The following KYNU variants were observed in gnomAD, a reference collection of about 807,000 sequenced individuals.
KYNU encodes the protein kynureninase, also known as L-kynurenine hydrolase.
In KYNU, 54 loss-of-function variants were observed where a neutral mutation model predicts 59.2. That is an observed-to-expected ratio of 0.91 (90% CI 0.73 to 1.14). KYNU has a LOEUF of 1.14. Among genes scored for constraint, KYNU ranks in the 50% most tolerant of loss-of-function variants. The pLI is 0.00. For missense variants in KYNU, 567 were observed against 554.4 expected, an observed-to-expected ratio of 1.02 and a Z score of -0.23; for synonymous variants, 177 against 192.0, an observed-to-expected ratio of 0.92 and a Z score of 0.65.
At chr2:142,975,300 C>G (rs1684851817) in intron 8 of KYNU, among the ~76,000 whole-genome samples, 1 of 152,180 alleles carries the variant, frequency 6.6e-6, no homozygotes, top group African/African-American at 2.4e-5. Context: ...TCAGCTGGGA[C>G]AGCCAAGCTC....
Position 142,918,594 on chromosome 2 carries a change from T to C in KYNU, c.170-15T>C, listed in dbSNP as rs1682756980. ...TTTATTTTTTTTTTTTTTTTTGACATTTCTTCTGTTTCAGTTGATTTATCA... is the reference window on the plus strand; with the variant it reads ...TTTATTTTTTTTTTTTTTTTTGACACTTCTTCTGTTTCAGTTGATTTATCA... On this transcript the variant is annotated splice_polypyrimidine_tract_variant and intron_variant, in intron 2 of 13. Transcript: ENST00000264170. 6.6e-7 allele frequency: 1 copy of C among 1,520,776 alleles called. No homozygotes were observed. The highest frequency in any genetic ancestry group is 1.4e-5 in the African/African-American group (1 of 72,186). 94.2% of individuals were successfully genotyped at this position (1,520,776 alleles called of 1,614,324 possible). A position where few individuals can be genotyped will look rare whatever the true frequency, so the allele number is the denominator to read the frequency against.
intron 2 of KYNU, among the ~76,000 whole-genome samples, chr2:142,895,709 AG>A (rs968765518): frequency 1.3e-5 from 2 of 151,886 alleles, no homozygotes; most frequent in Admixed American, 1.3e-4. Context: ...TTTTTAGAAA[AG>A]GTCTTGCCCT....
intron 2 of KYNU, among the ~76,000 whole-genome samples, chr2:142,917,538 G>T (rs1682705584): frequency 6.6e-6 from 1 of 152,148 alleles, no homozygotes; most frequent in South Asian, 2.1e-4. Context: ...CTGGGCTCAA[G>T]TGATCCTCCC....
At chr2:142,898,402 A>G (rs1471220249) in intron 2 of KYNU, among the ~76,000 whole-genome samples, 1 of 152,024 alleles carries the variant, frequency 6.6e-6, no homozygotes, top group Non-Finnish European at 1.5e-5. Flanking sequence ...ATGAGCTTTC[A>G]TTCTTAGCTA....
chr2:142,936,680 A>T (rs926819417), intron 4 of KYNU, among the ~76,000 whole-genome samples: 1 of 152,196 alleles, frequency 6.6e-6, no homozygotes, highest in Middle Eastern at 3.2e-3. Context: ...TGGACCGGAG[A>T]AACCAAGAGA....
At chr2:142,894,928 G>A (rs1681819149) in intron 2 of KYNU, among the ~76,000 whole-genome samples, 1 of 152,044 alleles carries the variant, frequency 6.6e-6, no homozygotes, top group Admixed American at 6.5e-5. Context: ...GCAACATAGT[G>A]ACACCCTGTC....
chr2:142,946,027 C>T (rs894585774), intron 4 of KYNU, among the ~76,000 whole-genome samples: 2 of 151,980 alleles, frequency 1.3e-5, no homozygotes, highest in South Asian at 2.1e-4. Context: ...CATAAGCCAC[C>T]CCACACCTGG....
At chr2:142,903,950 A>C (rs1308383720) in intron 2 of KYNU, among the ~76,000 whole-genome samples, 1 of 152,146 alleles carries the variant, frequency 6.6e-6, no homozygotes, top group African/African-American at 2.4e-5. Flanking sequence ...GGCCATGACT[A>C]AAGTGGTGGC....
chr2:142,958,139 T>C (rs560370456), intron 7 of KYNU: 1 of 205,780 alleles, frequency 4.9e-6, no homozygotes, highest in Non-Finnish European at 9.8e-6. Flanking sequence ...TATCAAACAT[T>C]TTCTTTGTGT....
intron 2 of KYNU, among the ~76,000 whole-genome samples, chr2:142,916,383 A>C (rs1202560115): frequency 1.3e-5 from 2 of 152,152 alleles, no homozygotes; most frequent in Non-Finnish European, 2.9e-5. Flanking sequence ...TTATTTTTTA[A>C]TTATCTATGG....
chr2:143,044,746 T>C lies in KYNU; in HGVS notation c.*2574T>C, dbSNP rs1206852339. On this transcript the variant is annotated 3_prime_UTR_variant, in exon 14 of 14. Coordinates refer to ENST00000264170, the MANE Select transcript of KYNU (RefSeq NM_003937.3). ...GGATATTTTCCCTTTGTCAGATGGATAGATTGCAAAAATTTTCTCCCGTTC... is the reference window on the plus strand; with the variant it reads ...GGATATTTTCCCTTTGTCAGATGGACAGATTGCAAAAATTTTCTCCCGTTC... 6.6e-6 allele frequency: 1 copy of C among 152,156 alleles called. No homozygotes were observed. The highest frequency in any genetic ancestry group is 1.5e-5 in the Non-Finnish European group (1 of 68,024). 9.4% of individuals were successfully genotyped at this position (152,156 alleles called of 1,614,324 possible).
chr2:142,991,723 T>G (rs989917326), intron 10 of KYNU, among the ~76,000 whole-genome samples: 1 of 151,948 alleles, frequency 6.6e-6, no homozygotes, highest in African/African-American at 2.4e-5. Context: ...ATTGATTCTC[T>G]CAAAACCTCA....
At position 142,885,553 on chromosome 2, in the gene KYNU, G is replaced by T. The variant is rs1164893738; in HGVS notation, c.169+17G>T. ...TGCCTCCAGGTAAGAATGCTGGGAA[G>T]GTTTTTAAATTTTATTTATTTATTT... On this transcript the variant is annotated intron_variant, in intron 2 of 13. Coordinates refer to ENST00000264170, the MANE Select transcript of KYNU (RefSeq NM_003937.3). The T allele has an allele frequency of 6.2e-7, 1 of 1,603,154 alleles. No individual in the cohort carries two copies. The highest frequency in any genetic ancestry group is 2.2e-5 in the East Asian group (1 of 44,790).
At chr2:143,032,612 G>A (rs554121565) in intron 11 of KYNU, among the ~76,000 whole-genome samples, 2 of 151,988 alleles carry the variant, frequency 1.3e-5, no homozygotes, top group South Asian at 4.2e-4. Context: ...AATTTAACTT[G>A]CTACAGTTCA....
intron 10 of KYNU, among the ~76,000 whole-genome samples, chr2:143,004,476 C>T (rs1160843978): frequency 2.6e-5 from 4 of 152,092 alleles, no homozygotes; most frequent in South Asian, 2.1e-4. Flanking sequence ...TTTGGGAAGC[C>T]GAGGTCAGTG....
chr2:142,986,965 T>C (rs368202524), intron 10 of KYNU, among the ~76,000 whole-genome samples: 1 of 151,958 alleles, frequency 6.6e-6, no homozygotes, highest in East Asian at 2.0e-4. Flanking sequence ...GTTTCTTTAA[T>C]TGTGTCTAAA....
At chr2:142,911,175 T>C (rs1016883196) in intron 2 of KYNU, among the ~76,000 whole-genome samples, 3 of 152,322 alleles carry the variant, frequency 2.0e-5, no homozygotes, top group African/African-American at 7.2e-5. Context: ...TTTCATGATA[T>C]TGATTCTTCC....
intron 10 of KYNU, among the ~76,000 whole-genome samples, chr2:143,025,552 T>G (rs1026321824): frequency 6.6e-6 from 1 of 152,186 alleles, no homozygotes; most frequent in African/African-American, 2.4e-5. Context: ...CCTGCTCTCT[T>G]GTATTCTATA....
At chr2:142,926,645 T>C (rs1026893944) in intron 3 of KYNU, among the ~76,000 whole-genome samples, 6 of 152,190 alleles carry the variant, frequency 3.9e-5, no homozygotes, top group African/African-American at 1.2e-4. Context: ...TCGCATCTTA[T>C]GGTAATGAAG....
Sources: allele counts gnomAD v4.1 joint callset (sites outside exome capture counted in the v4.1 genomes callset), GRCh38; gene constraint gnomAD v4.1.1; transcripts MANE v1.5; gene names NCBI Gene and HGNC (gene_info 2026-07-23, HGNC 2026-07-21).